The following LRRC63 variants were observed in gnomAD, a reference collection of about 807,000 sequenced individuals.
LRRC63 encodes leucine-rich repeat-containing protein 63.
LRRC63 carries 40 observed loss-of-function variants against 49.5 expected under a neutral mutation model. The ratio of observed to expected loss-of-function variants is 0.81; its 90% confidence interval spans 0.63 to 1.05. The LOEUF (loss-of-function observed/expected upper bound fraction) is 1.05. LRRC63 is among the 50% of genes least tolerant of loss of function. LRRC63 has a pLI of 0.00. For missense variants in LRRC63, 636 were observed against 663.1 expected (o/e 0.96, Z 0.45); for synonymous variants, 191 against 221.1 (o/e 0.86, Z 1.21).
At chr13:46,266,996 T>G in intron 9 of LRRC63, 24 bp downstream of exon 9, 1 of 1,500,686 alleles carries the variant, frequency 6.7e-7, no homozygotes, top group Non-Finnish European at 8.9e-7. Context: ...GAAGCCCTTT[T>G]AACCAAAATA....
chr13:46,261,432 C>T (rs934909204), intron 7 of LRRC63, among the ~76,000 whole-genome samples: 1 of 152,172 alleles, frequency 6.6e-6, no homozygotes, highest in African/African-American at 2.4e-5. Context: ...TATGCTTCCA[C>T]AAGCCGTGGA....
chr13:46,263,129 T>A lies in LRRC63; in HGVS notation c.1310+1137T>A, dbSNP rs182822691. On this transcript the variant is annotated intron_variant, in intron 8 of 9. Coordinates refer to ENST00000595396, the Ensembl canonical transcript of LRRC63. ...TTATTTACTTTCCCCTTTTCCTACC[T>A]ATTTTTTTAAGGATGCTGTTTGTTC... is the stretch of plus-strand genomic sequence containing the variant. Among the ~76,000 whole-genome samples, 136 of 152,156 alleles carry A rather than the reference T, an allele frequency of 8.9e-4. 1 individual carries two copies. The highest frequency in any genetic ancestry group is 3.4e-3 in the Middle Eastern group (1 of 294).
At chr13:46,220,262 C>T (rs1415409720) in intron 2 of LRRC63, among the ~76,000 whole-genome samples, 2 of 152,158 alleles carry the variant, frequency 1.3e-5, no homozygotes, top group Admixed American at 1.3e-4. Flanking sequence ...TCTCTATAAG[C>T]CCCTGACTGG....
rs79122879 is a variant in LRRC63 at position 46,252,631 on chromosome 13, A to G, written c.1226+2140A>G. Among the ~76,000 whole-genome samples the G allele has an allele frequency of 6.4e-4, 98 of 152,142 alleles. No individual in the cohort carries two copies. The East Asian group carries it at 0.016, about 25-fold the overall frequency. ...CATGTAACCCATTCTGAAGGGTGAG[A>G]GTTGGTTCCCTGGAAGATGTAGTAT... On this transcript the variant is annotated intron_variant, in intron 7 of 9. Coordinates refer to ENST00000595396, the Ensembl canonical transcript of LRRC63.
chr13:46,265,803 G>C (rs1276329200), intron 8 of LRRC63, among the ~76,000 whole-genome samples: 1 of 152,214 alleles, frequency 6.6e-6, no homozygotes, highest in Admixed American at 6.5e-5. Flanking sequence ...AGAGACTGGA[G>C]TCTTGCTCAC....
chr13:46,219,428 T>C (rs2046343137), intron 2 of LRRC63, among the ~76,000 whole-genome samples: 1 of 152,252 alleles, frequency 6.6e-6, no homozygotes, highest in Admixed American at 6.5e-5. Context: ...ACGAAGTTCT[T>C]GTGCTGTGAT....
At chr13:46,213,547 T>G (rs2046157697) in intron 2 of LRRC63, among the ~76,000 whole-genome samples, 1 of 152,194 alleles carries the variant, frequency 6.6e-6, no homozygotes, top group Non-Finnish European at 1.5e-5. Context: ...TTTTAGTTAG[T>G]GATTTCACTG....
At chr13:46,269,646 GC>G (rs2047727843) in intron 9 of LRRC63, among the ~76,000 whole-genome samples, 1 of 151,280 alleles carries the variant, frequency 6.6e-6, no homozygotes, top group Non-Finnish European at 1.5e-5. Context: ...TAACTGCAAA[GC>G]AAAAAATATA....
chr13:46,238,262 C>G (rs114867873), intron 5 of LRRC63, among the ~76,000 whole-genome samples: 5,976 of 152,218 alleles, frequency 0.039, 373 homozygotes, highest in African/African-American at 0.14. Context: ...ATAAAATTAA[C>G]AAAGATATTC....
rs142798828 is a variant in LRRC63 at position 46,255,645 on chromosome 13, A to AATATATATATATATATATATATATATAT, written c.1226+5175_1226+5176insTATATATATATATATATATATATATATA. Among the ~76,000 whole-genome samples, 431 of 129,152 alleles carry AATATATATATATATATATATATATATAT rather than the reference A, an allele frequency of 3.3e-3. 4 individuals are homozygous for AATATATATATATATATATATATATATAT. The highest frequency in any genetic ancestry group is 4.6e-3 in the Middle Eastern group (1 of 216). 84.7% of individuals were successfully genotyped at this position (129,152 alleles called of 152,430 possible). ...GGCAACAGAGTAAGACCCTGCCTCA[A>AATATATATATATATATATATATATATAT]ATATATATATATATATATATAGTTA... On this transcript the variant is annotated intron_variant, in intron 7 of 9. Coordinates refer to ENST00000595396, the Ensembl canonical transcript of LRRC63.
chr13:46,258,223 A>G (rs2047549893), intron 7 of LRRC63, among the ~76,000 whole-genome samples: 2 of 143,298 alleles, frequency 1.4e-5, no homozygotes, highest in Non-Finnish European at 3.0e-5. Flanking sequence ...TCTGCCTCCT[A>G]GGTTCGAGCA....
intron 7 of LRRC63, 90 bp from the exon 8 acceptor site, chr13:46,261,819 C>T (rs1594093180): frequency 2.6e-6 from 1 of 389,292 alleles, no homozygotes; most frequent in East Asian, 3.8e-5. Context: ...AATCTGGTTT[C>T]TATACTCCTG....
At chr13:46,245,640 T>C (rs576681124) in intron 5 of LRRC63, among the ~76,000 whole-genome samples, 7 of 151,952 alleles carry the variant, frequency 4.6e-5, no homozygotes, top group African/African-American at 1.2e-4. Flanking sequence ...AAAAAATAGG[T>C]CAAGAAAGAA....
Position 46,213,922 on chromosome 13 carries a change from A to G in LRRC63, c.85+803A>G, listed in dbSNP as rs556567934. Among the ~76,000 whole-genome samples the G allele has an allele frequency of 4.8e-4, 73 of 152,244 alleles. 1 individual carries two copies. Among genetic ancestry groups the G allele is most frequent in the African/African-American group, 1.6e-3 (66 of 41,550 alleles). Reference sequence around the variant, plus strand: ...GAATATATTTAGTGAGCAAAAACAGACCTTACCTGTTCCCTTCATTAGTTA... The same window carrying G: ...GAATATATTTAGTGAGCAAAAACAGGCCTTACCTGTTCCCTTCATTAGTTA... On this transcript the variant is annotated intron_variant, in intron 2 of 9. Transcript: ENST00000595396.
chr13:46,262,511 A>G (rs966953496), intron 8 of LRRC63, among the ~76,000 whole-genome samples: 1 of 152,104 alleles, frequency 6.6e-6, no homozygotes, highest in African/African-American at 2.4e-5. Context: ...AATCTTTCAG[A>G]TCATTTTGTA....
intron 9 of LRRC63, among the ~76,000 whole-genome samples, chr13:46,269,392 A>G (rs2047724530): frequency 6.6e-6 from 1 of 152,148 alleles, no homozygotes. Flanking sequence ...ACATTTTGAC[A>G]GAATAGCACT....
Position 46,258,696 on chromosome 13 carries a change from T to C in LRRC63, c.1227-3213T>C, listed in dbSNP as rs1294766460. 8.7e-5 allele frequency among the ~76,000 whole-genome samples: 13 copies of C among 149,620 alleles called. No homozygotes were observed. The East Asian group carries it at 2.2e-3, about 26-fold the overall frequency. On this transcript the variant is annotated intron_variant, in intron 7 of 9. Transcript: ENST00000595396. ...GGTGGCGTGTGCCTGTAATCCCAGC[T>C]ACTCAGGAGGCTGAGGCAGGAGAAT...
chr13:46,273,826 C>G (rs1184341786), intron 9 of LRRC63, among the ~76,000 whole-genome samples: 1 of 150,334 alleles, frequency 6.7e-6, no homozygotes, highest in Non-Finnish European at 1.5e-5. Context: ...ACAGGAGAAT[C>G]ACTTGAACCC....
chr13:46,221,459 G>T (rs144206585), intron 2 of LRRC63, among the ~76,000 whole-genome samples: 4 of 152,280 alleles, frequency 2.6e-5, no homozygotes, highest in African/African-American at 9.6e-5. Flanking sequence ...TAAGAAATCT[G>T]AATTAATACC....
Sources: allele counts gnomAD v4.1 joint callset (sites outside exome capture counted in the v4.1 genomes callset), GRCh38; gene constraint gnomAD v4.1.1; transcripts MANE v1.5; gene names NCBI Gene and HGNC (gene_info 2026-07-23, HGNC 2026-07-21).